The following CEP162 variants were observed in gnomAD, a reference collection of about 807,000 sequenced individuals.
CEP162 encodes the protein centrosomal protein 162, also known as centrosomal protein of 162 kDa.
Under a neutral mutation model 169.2 loss-of-function variants are expected in CEP162, and 141 were observed. The observed-to-expected ratio is 0.83, with a 90% CI of 0.73 to 0.96. CEP162 has a LOEUF of 0.96. CEP162 is among the 40% of genes least tolerant of loss of function. The probability of loss-of-function intolerance (pLI) is 0.00; values close to 1 mark genes in which losing one functional copy is unlikely to be tolerated. For synonymous variants in CEP162, 540 were observed against 526.4 expected (o/e 1.03, Z -0.35); for missense variants, 1,600 against 1,587.2 (o/e 1.01, Z -0.14).
At chr6:84,153,814 A>G (rs2099522012) in intron 22 of CEP162, among the ~76,000 whole-genome samples, 1 of 152,162 alleles carries the variant, frequency 6.6e-6, no homozygotes, top group Non-Finnish European at 1.5e-5. Flanking sequence ...ATTATTTTCA[A>G]ATAGCTCACA....
rs375183941 is a variant in CEP162, at chr6:84,135,248, A to G, written c.3871-8736T>C. 1.2e-4 allele frequency among the ~76,000 whole-genome samples: 18 copies of G among 152,322 alleles called. No homozygotes were observed. In the East Asian group the frequency reaches 3.1e-3, roughly 26 times the overall value. On this transcript the variant is annotated intron_variant, in intron 25 of 26. Transcript: ENST00000403245. ...TAAGGACAGAAATAGCATCAATAAA[A>G]AGCATAAAAGCATATATTCTTTAAT...
intron 13 of CEP162, among the ~76,000 whole-genome samples, chr6:84,176,880 T>A (rs370381606): frequency 2.0e-5 from 3 of 151,950 alleles, no homozygotes; most frequent in African/African-American, 7.2e-5. Context: ...TATCAAGTAA[T>A]TATATTTATT....
intron 10 of CEP162, among the ~76,000 whole-genome samples, chr6:84,194,284 G>A (rs118025446): frequency 0.037 from 5,685 of 151,776 alleles, 161 homozygotes; most frequent in Admixed American, 0.09. Context: ...GAACCAGGGT[G>A]GCGGAGGCTG....
chr6:84,172,910 T>C (rs146677244), intron 16 of CEP162, among the ~76,000 whole-genome samples: 12 of 152,286 alleles, frequency 7.9e-5, no homozygotes, highest in African/African-American at 2.2e-4. Context: ...TTATGTTGAT[T>C]TGAAGATAAC....
chr6:84,199,197 C>A (rs1322107825), intron 9 of CEP162, among the ~76,000 whole-genome samples: 1 of 152,072 alleles, frequency 6.6e-6, no homozygotes, highest in Non-Finnish European at 1.5e-5. Context: ...TTCCTTAAAT[C>A]AACAGCAGTA....
intron 23 of CEP162, among the ~76,000 whole-genome samples, chr6:84,149,939 A>G (rs576042705): frequency 1.5e-5 from 2 of 136,458 alleles, no homozygotes; most frequent in Non-Finnish European, 3.0e-5. Flanking sequence ...AAATAGTGAT[A>G]TATCTCTACT....
intron 25 of CEP162, among the ~76,000 whole-genome samples, chr6:84,134,962 A>AGT (rs2099513364): frequency 6.6e-6 from 1 of 151,438 alleles, no homozygotes; most frequent in African/African-American, 2.4e-5. Context: ...ACACATATAT[A>AGT]GTGTTAGGTT....
chr6:84,192,715 T>C (rs1016596026), intron 11 of CEP162, among the ~76,000 whole-genome samples: 3 of 152,208 alleles, frequency 2.0e-5, no homozygotes, highest in Non-Finnish European at 4.4e-5. Context: ...AAGTATTTTA[T>C]GGAGATCAAA....
intron 25 of CEP162, among the ~76,000 whole-genome samples, chr6:84,134,811 C>T (rs2099513201): frequency 6.6e-6 from 1 of 151,986 alleles, no homozygotes; most frequent in Admixed American, 6.6e-5. Flanking sequence ...CCAGCCTCCC[C>T]CCCACAGATT....
chr6:84,188,447 T>G (rs1429246516), intron 11 of CEP162, among the ~76,000 whole-genome samples: 1 of 152,204 alleles, frequency 6.6e-6, no homozygotes, highest in African/African-American at 2.4e-5. Context: ...ATGTACTTGA[T>G]GTTTAGCTCC....
rs1310540172 is a variant in CEP162 at position 84,124,916 on chromosome 6, T to G, written c.*154A>C. On this transcript the variant is annotated 3_prime_UTR_variant, in exon 27 of 27. Coordinates refer to ENST00000403245, the MANE Select transcript of CEP162 (RefSeq NM_014895.4). The stretch of plus-strand genomic sequence containing the variant: ...CACCATTATATGTTTTTTTTCTTAT[T>G]GGTTAAAGGCAATTTATTTTGAAAT... The G allele has an allele frequency of 3.1e-6, 2 of 654,672 alleles. No individual in the cohort carries two copies. The highest frequency in any genetic ancestry group is 2.8e-5 in the East Asian group (1 of 36,092). The allele number at this position is 654,672 out of a possible 1,614,324, so 40.6% of individuals were successfully genotyped here.
intron 6 of CEP162, among the ~76,000 whole-genome samples, chr6:84,212,492 C>T (rs2099549866): frequency 6.6e-6 from 1 of 151,590 alleles, no homozygotes; most frequent in South Asian, 2.1e-4. Flanking sequence ...ATAAGGTAGA[C>T]ATATATTGTG....
At chr6:84,227,362 G>A (rs751392411) in intron 1 of CEP162, among the ~76,000 whole-genome samples, 1 of 152,178 alleles carries the variant, frequency 6.6e-6, no homozygotes, top group African/African-American at 2.4e-5. Flanking sequence ...AGCTTGGTCA[G>A]GGGTGAGCTC....
chr6:84,171,612 G>T lies in CEP162; in HGVS notation c.2273C>A (p.Ser758Tyr). 1 of 1,425,332 alleles carries T rather than the reference G, an allele frequency of 7.0e-7. No homozygotes were observed. Among genetic ancestry groups the T allele is most frequent in the Non-Finnish European group, 9.4e-7 (1 of 1,065,616 alleles). The allele number at this position is 1,425,332 out of a possible 1,614,324, so 88.3% of individuals were successfully genotyped here. A position where few individuals can be genotyped will look rare whatever the true frequency, so the allele number is the denominator to read the frequency against. The change falls in exon 17 of 27, where the codon TCC becomes TAC. Residue 758 changes from serine (S) to tyrosine (Y), a missense_variant. Coordinates refer to ENST00000403245, the MANE Select transcript of CEP162 (RefSeq NM_014895.4). ...ENQSLFSEVASLKEQMHKSRF... is the reference protein window; with the variant it reads ...ENQSLFSEVAYLKEQMHKSRF... ...GAAGTTCAAAAGGACTTACTTTAAG[G>T]AAGCTACCTCACTGAATAAACTTTG...
chr6:84,213,897 G>A (rs1019669398), intron 5 of CEP162, among the ~76,000 whole-genome samples: 8 of 152,224 alleles, frequency 5.3e-5, no homozygotes, highest in African/African-American at 1.9e-4. Flanking sequence ...TATGCCAAGA[G>A]TACAAGATGC....
At chr6:84,184,095 T>C (rs182301520) in intron 13 of CEP162, among the ~76,000 whole-genome samples, 2 of 152,274 alleles carry the variant, frequency 1.3e-5, no homozygotes, top group African/African-American at 4.8e-5. Flanking sequence ...GAACTAGCCA[T>C]GTTACTGTGC....
intron 11 of CEP162, among the ~76,000 whole-genome samples, chr6:84,189,046 A>C (rs904138603): frequency 6.6e-6 from 1 of 150,528 alleles, no homozygotes; most frequent in Non-Finnish European, 1.5e-5. Context: ...ATGTCTGTTC[A>C]TGTCCTTGCC....
chr6:84,172,486 C>T (rs1365430542), intron 16 of CEP162, among the ~76,000 whole-genome samples: 1 of 152,178 alleles, frequency 6.6e-6, no homozygotes, highest in Non-Finnish European at 1.5e-5. Context: ...GGAATAGTGC[C>T]TGGCGACAGT....
chr6:84,182,322 T>A (rs770046867), intron 13 of CEP162, among the ~76,000 whole-genome samples: 2 of 152,124 alleles, frequency 1.3e-5, no homozygotes, highest in Non-Finnish European at 2.9e-5. Context: ...TTAAGAATTT[T>A]TAATTCTTAA....
Sources: allele counts gnomAD v4.1 joint callset (sites outside exome capture counted in the v4.1 genomes callset), GRCh38; gene constraint gnomAD v4.1.1; transcripts MANE v1.5; gene names NCBI Gene and HGNC (gene_info 2026-07-23, HGNC 2026-07-21).